The following ADARB1 variants were observed in gnomAD, a reference collection of about 807,000 sequenced individuals.
The protein encoded by ADARB1 is adenosine deaminase RNA specific B1, also known as double-stranded RNA-specific editase 1.
Under a neutral mutation model 52.4 loss-of-function variants are expected in ADARB1, and 10 were observed. That is an observed-to-expected ratio of 0.19 (90% confidence interval 0.12 to 0.32). The LOEUF (loss-of-function observed/expected upper bound fraction) is 0.32, where lower values mean the gene tolerates loss of function less well. ADARB1 is among the 10% of genes least tolerant of loss of function. The pLI is 1.00. For missense variants in ADARB1, 643 were observed against 922.3 expected (o/e 0.70, Z 3.92); for synonymous variants, 349 against 371.1 (o/e 0.94, Z 0.68).
In ADARB1 at chr21:45,141,863, C is replaced by T. The variant is rs114884864; in HGVS notation, c.-48+13290C>T. 8.6e-3 allele frequency among the ~76,000 whole-genome samples: 1,304 copies of T among 152,134 alleles called. 21 individuals carry two copies. The highest frequency in any genetic ancestry group is 0.028 in the African/African-American group (1,182 of 41,500). On this transcript the variant is annotated intron_variant, in intron 2 of 10. Coordinates refer to ENST00000348831, the MANE Select transcript of ADARB1 (RefSeq NM_001112.4). ...GGTCGCCTTAGCCACCCCAGGGTCT[C>T]CTTAGCCATCCCAGGGCCACCTTAG...
chr21:45,188,475 GAATT>G (rs2092180226), intron 8 of ADARB1, among the ~76,000 whole-genome samples: 1 of 152,126 alleles, frequency 6.6e-6, no homozygotes, highest in South Asian at 2.1e-4. Flanking sequence ...TAGTTTGAAT[GAATT>G]GTTTTTCATA....
intron 1 of ADARB1, among the ~76,000 whole-genome samples, chr21:45,092,843 C>T (rs431666): frequency 0.85 from 129,636 of 152,140 alleles, 55,500 homozygotes; most frequent in Non-Finnish European, 0.9. Context: ...ATAAATCAAG[C>T]CTCCCATTCC....
intron 2 of ADARB1, among the ~76,000 whole-genome samples, chr21:45,131,736 A>G (rs1406642662): frequency 6.6e-6 from 1 of 152,256 alleles, no homozygotes; most frequent in Non-Finnish European, 1.5e-5. Context: ...GCCCAGTGCC[A>G]AGAGGCAGCT....
chr21:45,204,783 C>A lies in ADARB1; in HGVS notation c.1747+47C>A. 6.3e-7 allele frequency: 1 copy of A among 1,585,072 alleles called. No individual in the cohort carries two copies. Among genetic ancestry groups the A allele is most frequent in the Non-Finnish European group, 8.6e-7 (1 of 1,159,946 alleles). Reference sequence around the variant, plus strand: ...TGATTTAATCTCTGTCTTGATTTTGCAATGTTTTCATCCTCATGAATGAAA... The same window carrying A: ...TGATTTAATCTCTGTCTTGATTTTGAAATGTTTTCATCCTCATGAATGAAA... On this transcript the variant is annotated intron_variant, in intron 9 of 10. Coordinates refer to ENST00000348831, the MANE Select transcript of ADARB1 (RefSeq NM_001112.4). The surrounding 1 kb of genome is among the most constrained non-coding windows in gnomAD (Gnocchi z 4.4).
intron 2 of ADARB1, among the ~76,000 whole-genome samples, chr21:45,152,988 A>C (rs991802401): frequency 7.2e-5 from 11 of 152,252 alleles, no homozygotes; most frequent in African/African-American, 2.7e-4. Flanking sequence ...AAAACTTTAA[A>C]GTTTGTAGCT....
chr21:45,182,085 G>A (rs546915911), intron 5 of ADARB1, among the ~76,000 whole-genome samples: 1 of 152,368 alleles, frequency 6.6e-6, no homozygotes, highest in South Asian at 2.1e-4. Flanking sequence ...CACTCCGAGT[G>A]TGGTTAATGG....
intron 9 of ADARB1, among the ~76,000 whole-genome samples, chr21:45,219,052 A>C (rs377493796): frequency 6.6e-6 from 1 of 152,380 alleles, no homozygotes; most frequent in Non-Finnish European, 1.5e-5. Context: ...GCCTGTGATT[A>C]GTTAAGATGA....
At position 45,224,397 on chromosome 21, in the gene ADARB1, G is replaced by A; in HGVS notation, c.*2200G>A. 1 of 985,136 alleles carries A rather than the reference G, an allele frequency of 1.0e-6. No individual in the cohort carries two copies. Among genetic ancestry groups the A allele is most frequent in the Non-Finnish European group, 1.2e-6 (1 of 829,994 alleles). The allele number at this position is 985,136 out of a possible 1,614,324, so 61.0% of individuals were successfully genotyped here. The stretch of plus-strand genomic sequence containing the variant: ...ATGTGAGGTGGCACCTTTCCGGGGT[G>A]GACTCGTGCGGCCTTGAGGACAGGC... On this transcript the variant is annotated 3_prime_UTR_variant, in exon 11 of 11. Coordinates refer to ENST00000348831, the MANE Select transcript of ADARB1 (RefSeq NM_001112.4).
intron 1 of ADARB1, among the ~76,000 whole-genome samples, chr21:45,107,365 A>T (rs1392307864): frequency 6.6e-6 from 1 of 152,182 alleles, no homozygotes; most frequent in Non-Finnish European, 1.5e-5. Context: ...TGGGCTGGAC[A>T]TGTCGATTCT....
chr21:45,149,345 C>T (rs141277087), intron 2 of ADARB1, among the ~76,000 whole-genome samples: 208 of 152,350 alleles, frequency 1.4e-3, no homozygotes, highest in African/African-American at 4.6e-3. Context: ...TCCTTGTGCA[C>T]AGCATCTGGG....
At chr21:45,182,146 T>C (rs1304675797) in intron 5 of ADARB1, among the ~76,000 whole-genome samples, 1 of 152,238 alleles carries the variant, frequency 6.6e-6, no homozygotes, top group Non-Finnish European at 1.5e-5. Flanking sequence ...TTCCTTCTTA[T>C]TCCTCTGGGT....
At chr21:45,171,887 G>A (rs539807214) in intron 3 of ADARB1, 8 of 560,700 alleles carry the variant, frequency 1.4e-5, no homozygotes, top group African/African-American at 1.2e-4. Context: ...TTCCTTCCTC[G>A]TTATCGTCGT....
intron 9 of ADARB1, among the ~76,000 whole-genome samples, chr21:45,213,194 T>C (rs1386167051): frequency 1.3e-5 from 2 of 152,340 alleles, no homozygotes; most frequent in East Asian, 3.9e-4. Context: ...GCTTATTGTT[T>C]AAAGCTTCAT....
At chr21:45,198,987 A>G (rs1262597980) in intron 8 of ADARB1, among the ~76,000 whole-genome samples, 1 of 152,230 alleles carries the variant, frequency 6.6e-6, no homozygotes, top group African/African-American at 2.4e-5. Context: ...AAACCATAGT[A>G]ATCAAAAGTG....
intron 2 of ADARB1, among the ~76,000 whole-genome samples, chr21:45,170,497 A>G (rs1272712359): frequency 6.6e-6 from 1 of 152,162 alleles, no homozygotes; most frequent in Non-Finnish European, 1.5e-5. Flanking sequence ...AGAGAAACTC[A>G]TTTAACTTTT....
chr21:45,210,655 C>T (rs866844446), intron 9 of ADARB1, among the ~76,000 whole-genome samples: 8 of 152,344 alleles, frequency 5.3e-5, no homozygotes, highest in Middle Eastern at 6.8e-3. Flanking sequence ...GAAGCAGCCG[C>T]AGCCGGCAGA....
rs146758719 is a variant in ADARB1 at position 45,191,005 on chromosome 21, A to T, written c.1565+5914A>T. 4.7e-3 allele frequency among the ~76,000 whole-genome samples: 712 copies of T among 152,308 alleles called. 4 individuals are homozygous for T. Among genetic ancestry groups the T allele is most frequent in the African/African-American group, 0.017 (689 of 41,568 alleles). On this transcript the variant is annotated intron_variant, in intron 8 of 10. Coordinates refer to ENST00000348831, the MANE Select transcript of ADARB1 (RefSeq NM_001112.4). ...TCTTCCTAGTTTTACAATGGACTGG[A>T]TACTGTAGCTTCTCAGTTGGTCTCC...
chr21:45,173,021 G>A (rs553952715), intron 3 of ADARB1, among the ~76,000 whole-genome samples: 10 of 152,286 alleles, frequency 6.6e-5, no homozygotes, highest in Non-Finnish European at 1.5e-4. Flanking sequence ...GCCCACCAAC[G>A]GAGCATGTGC....
At chr21:45,202,153 A>T (rs1413196466) in intron 8 of ADARB1, among the ~76,000 whole-genome samples, 1 of 152,144 alleles carries the variant, frequency 6.6e-6, no homozygotes, top group African/African-American at 2.4e-5. Context: ...GGCTTGGGGC[A>T]GGCACCGGGT....
Sources: allele counts gnomAD v4.1 joint callset (sites outside exome capture counted in the v4.1 genomes callset), GRCh38; gene constraint gnomAD v4.1.1; non-coding constraint Gnocchi (gnomAD v3.1); transcripts MANE v1.5; gene names NCBI Gene and HGNC (gene_info 2026-07-23, HGNC 2026-07-21).